The following SVIL variants were observed in gnomAD, a reference collection of about 807,000 sequenced individuals.
The protein encoded by SVIL is supervillin, also known as archvillin.
Under a neutral mutation model 240.4 loss-of-function variants are expected in SVIL, and 101 were observed. The observed-to-expected ratio is 0.42, with a 90% CI of 0.36 to 0.50. SVIL has a LOEUF of 0.50. Ranked by LOEUF, SVIL falls within the 20% of genes least tolerant of loss-of-function variation. The pLI is 0.01. For missense variants in SVIL, 2,512 were observed against 2,818.7 expected, an observed-to-expected ratio of 0.89 and a Z score of 2.46; for synonymous variants, 999 against 1,100.0, an observed-to-expected ratio of 0.91 and a Z score of 1.82.
Position 29,458,174 on chromosome 10 carries a change from A to C in SVIL, c.*73T>G. On this transcript the variant is annotated 3_prime_UTR_variant, in exon 38 of 38. Coordinates refer to ENST00000355867, the MANE Select transcript of SVIL (RefSeq NM_021738.3). ...TACTTTGTGAAAAACACCAGTCCAA[A>C]AATATATATCCATTTCCCTGGTGCA... The C allele has an allele frequency of 6.9e-7, 1 of 1,440,158 alleles. No individual in the cohort carries two copies. 89.2% of individuals were successfully genotyped at this position (1,440,158 alleles called of 1,614,324 possible). A position where few individuals can be genotyped will look rare whatever the true frequency, so the allele number is the denominator to read the frequency against.
In SVIL at chr10:29,488,656, C is replaced by T. The variant is rs570905103; in HGVS notation, c.4293G>A (p.Gln1431=). 1 of 1,612,952 alleles carries T rather than the reference C, an allele frequency of 6.2e-7. No homozygotes were observed. The highest frequency in any genetic ancestry group is 2.2e-5 in the East Asian group (1 of 44,852). Residue 1431 remains glutamine, a synonymous_variant, in exon 23 of 38, where the codon CAG becomes CAA. Transcript: ENST00000355867. ...VSLRSVNLTE[Q]NSNNSAVPYK... The stretch of plus-strand genomic sequence containing the variant: ...AGGGCACGGCGCTGTTGTTAGAGTT[C>T]TGTTCCGTCAGGTTGACGCTCCGCA...
rs373119876 is a variant in SVIL, at chr10:29,503,506, C to A, written c.3517-4243G>T. On this transcript the variant is annotated intron_variant, in intron 17 of 37. Coordinates refer to ENST00000355867, the MANE Select transcript of SVIL (RefSeq NM_021738.3). ...CTTTGTATTATTAAATATTAAGACA[C>A]CAGTATTGCTGGAAGAAAGAAAAGG... is the stretch of plus-strand genomic sequence containing the variant. Among the ~76,000 whole-genome samples, 127 of 152,232 alleles carry A rather than the reference C, an allele frequency of 8.3e-4. 2 individuals are homozygous for A. In the South Asian group the frequency reaches 0.02, roughly 24 times the overall value.
intron 1 of SVIL, among the ~76,000 whole-genome samples, chr10:29,720,191 G>A (rs1435514832): frequency 6.6e-6 from 1 of 152,086 alleles, no homozygotes; most frequent in Non-Finnish European, 1.5e-5. Context: ...ATGACACAGT[G>A]AGACTTCACT....
chr10:29,514,301 A>G (rs1257208971), intron 16 of SVIL, among the ~76,000 whole-genome samples: 1 of 151,502 alleles, frequency 6.6e-6, no homozygotes, highest in South Asian at 2.1e-4. Flanking sequence ...CAGCGGCACA[A>G]TCACGGTTCA....
At position 29,610,466 on chromosome 10, in the gene SVIL, T is replaced by C. The variant is rs937943064; in HGVS notation, c.-201+23954A>G. ...ACTCTGCATTTTTTTTTTTTTTTTT[T>C]TGAGACAGGGTCTCGCTCTGTCACC... On this transcript the variant is annotated intron_variant, in intron 1 of 37. Coordinates refer to ENST00000355867, the MANE Select transcript of SVIL (RefSeq NM_021738.3). Among the ~76,000 whole-genome samples, 10 of 128,310 alleles carry C rather than the reference T, an allele frequency of 7.8e-5. 1 individual carries two copies. Among genetic ancestry groups the C allele is most frequent in the African/African-American group, 2.7e-4 (9 of 33,260 alleles). 84.2% of individuals were successfully genotyped at this position (128,310 alleles called of 152,430 possible).
chr10:29,578,026 T>C (rs1044881716), intron 1 of SVIL, among the ~76,000 whole-genome samples: 7 of 152,224 alleles, frequency 4.6e-5, no homozygotes, highest in Admixed American at 1.3e-4. Context: ...CATTTATAAA[T>C]GTATAAAATG....
intron 3 of SVIL, among the ~76,000 whole-genome samples, chr10:29,648,048 G>A (rs1958723469): frequency 6.8e-6 from 1 of 146,004 alleles, no homozygotes; most frequent in Non-Finnish European, 1.5e-5. Context: ...GCTCCCACCA[G>A]CCCATGAAAT....
chr10:29,708,139 T>C (rs1161600456), intron 1 of SVIL, among the ~76,000 whole-genome samples: 1 of 150,450 alleles, frequency 6.6e-6, no homozygotes, highest in African/African-American at 2.5e-5. Flanking sequence ...GCGCCTGTAG[T>C]CCCAGCTACT....
At chr10:29,587,125 G>GTGA (rs1589328926) in intron 1 of SVIL, among the ~76,000 whole-genome samples, 1 of 152,260 alleles carries the variant, frequency 6.6e-6, no homozygotes, top group East Asian at 1.9e-4. Flanking sequence ...GCTACGCAGT[G>GTGA]AAGAAAGCCT....
intron 1 of SVIL, among the ~76,000 whole-genome samples, chr10:29,704,162 T>C (rs913544782): frequency 2.1e-4 from 32 of 152,166 alleles, no homozygotes; most frequent in Non-Finnish European, 4.1e-4. Flanking sequence ...CCTGCTCCAG[T>C]GGGCTGGGCG....
chr10:29,562,654 G>C (rs367636440), intron 3 of SVIL, among the ~76,000 whole-genome samples: 1 of 151,844 alleles, frequency 6.6e-6, no homozygotes, highest in Non-Finnish European at 1.5e-5. Context: ...CCAGCTATTC[G>C]GGAGGCTGAG....
At chr10:29,548,841 T>C (rs1952937934) in intron 6 of SVIL, among the ~76,000 whole-genome samples, 1 of 152,072 alleles carries the variant, frequency 6.6e-6, no homozygotes, top group African/African-American at 2.4e-5. Context: ...AAAGATAAAC[T>C]ATGAAAGGGG....
At chr10:29,561,552 G>A (rs1954471116) in intron 3 of SVIL, among the ~76,000 whole-genome samples, 2 of 151,824 alleles carry the variant, frequency 1.3e-5, no homozygotes, top group Admixed American at 6.6e-5. Flanking sequence ...CATCTGCATA[G>A]GTATTAAGCA....
chr10:29,648,408 T>C (rs1450461690), intron 3 of SVIL, among the ~76,000 whole-genome samples: 1 of 152,210 alleles, frequency 6.6e-6, no homozygotes, highest in Non-Finnish European at 1.5e-5. Flanking sequence ...AGATCCACTC[T>C]GAGCAGAAAA....
chr10:29,544,258 A>G (rs1952431198), intron 6 of SVIL, among the ~76,000 whole-genome samples: 1 of 152,188 alleles, frequency 6.6e-6, no homozygotes, highest in African/African-American at 2.4e-5. Flanking sequence ...GAATCTCATT[A>G]AAATTAACGG....
At chr10:29,624,227 C>T (rs1057136585) in intron 1 of SVIL, among the ~76,000 whole-genome samples, 39 of 150,688 alleles carry the variant, frequency 2.6e-4, no homozygotes, top group South Asian at 4.2e-4. Context: ...TTCTAACATT[C>T]TAAAGCTTGT....
Position 29,471,238 on chromosome 10 carries a change from C to G in SVIL, c.5535G>C (p.Gln1845His), listed in dbSNP as rs1945544031. 1.9e-6 allele frequency: 3 copies of G among 1,609,638 alleles called. No individual in the cohort carries two copies. The highest frequency in any genetic ancestry group is 1.7e-6 in the Non-Finnish European group (2 of 1,176,636). The change falls in exon 31 of 38, where the codon CAG (glutamine) becomes CAC (histidine). Residue 1845 changes from glutamine (Q) to histidine (H), a missense_variant. Gln to His is a conservative substitution (Grantham distance 24, BLOSUM62 0). This residue lies in a region of SVIL where 797 missense variants were observed against 925.3 expected (regional missense o/e 0.86). Transcript: ENST00000355867. ...ELDEERGAQV[Q>H]VLQGKEPPCF... is the part of the protein sequence containing the mutation. Reference sequence around the variant, plus strand: ...AGGGGGGCTCCTTTCCCTGGAGAACCTGGACCTTCCGATTTAAACAGAGGT... The same window carrying G: ...AGGGGGGCTCCTTTCCCTGGAGAACGTGGACCTTCCGATTTAAACAGAGGT...
At chr10:29,711,444 A>C (rs2132668505) in intron 1 of SVIL, among the ~76,000 whole-genome samples, 1 of 151,502 alleles carries the variant, frequency 6.6e-6, no homozygotes, top group Middle Eastern at 3.4e-3. Flanking sequence ...CACCAACAAA[A>C]AGCAGGAGAG....
chr10:29,486,529 G>A lies in SVIL; in HGVS notation c.4514C>T (p.Thr1505Ile). 1 of 1,614,126 alleles carries A rather than the reference G, an allele frequency of 6.2e-7. No homozygotes were observed. Residue 1505 changes from threonine (T) to isoleucine (I), a missense_variant, in exon 25 of 38, where the codon ACA becomes ATA. Thr to Ile is a moderately conservative substitution (Grantham distance 89). Around this residue, in one of 3 missense-constraint regions of SVIL, gnomAD observed 797 missense variants for 925.3 expected, o/e 0.86. Coordinates refer to ENST00000355867, the MANE Select transcript of SVIL (RefSeq NM_021738.3). ...KASELATLIQ[T>I]KRELGCRATY... is the part of the protein sequence containing the mutation. ...AGCTCTACAACCAAGTTCCCTCTTT[G>A]TCTGAATTAAAGTTGCAAGTTCTGA... is the stretch of plus-strand genomic sequence containing the variant.
Sources: gnomAD v4.1 joint callset for allele counts (sites outside exome capture counted in the v4.1 genomes callset) on GRCh38, gnomAD v4.1.1 for gene constraint, gnomAD v4.1.1 regional missense constraint, MANE v1.5 for transcripts, NCBI Gene and HGNC (gene_info 2026-07-23, HGNC 2026-07-21) for gene names.